The following DCAF5 variants were observed in gnomAD, a reference collection of about 807,000 sequenced individuals.
DCAF5 encodes the protein DDB1- and CUL4-associated factor 5.
Under a neutral mutation model 80.7 loss-of-function variants are expected in DCAF5, and 9 were observed. That is an observed-to-expected ratio of 0.11 (90% CI 0.07 to 0.19). The LOEUF (loss-of-function observed/expected upper bound fraction) is 0.19. Among genes scored for constraint, DCAF5 ranks in the 10% least tolerant of loss-of-function variants. The pLI, the probability that DCAF5 is intolerant of heterozygous loss-of-function variation, is 1.00. For synonymous variants in DCAF5, 433 were observed against 461.9 expected (o/e 0.94, Z 0.80); for missense variants, 842 against 1,205.7 (o/e 0.70, Z 4.47).
At chr14:69,085,883 A>G (rs1472866529) in intron 6 of DCAF5, among the ~76,000 whole-genome samples, 11 of 152,178 alleles carry the variant, frequency 7.2e-5, no homozygotes. Flanking sequence ...TCATTGCTTG[A>G]TCTCTATAAC....
chr14:69,106,740 T>C (rs2040174491), intron 5 of DCAF5, among the ~76,000 whole-genome samples: 1 of 152,170 alleles, frequency 6.6e-6, no homozygotes, highest in Non-Finnish European at 1.5e-5. Context: ...CAACATTTGA[T>C]TTTAAAATAA....
At chr14:69,101,823 A>G (rs1035013141) in intron 5 of DCAF5, among the ~76,000 whole-genome samples, 2 of 152,180 alleles carry the variant, frequency 1.3e-5, no homozygotes, top group Non-Finnish European at 2.9e-5. Flanking sequence ...CTGTAACACA[A>G]TGGGTAAGTA....
intron 5 of DCAF5, 119 bp downstream of exon 5, chr14:69,116,247 A>G: frequency 8.0e-7 from 1 of 1,249,574 alleles, no homozygotes; most frequent in Non-Finnish European, 1.1e-6. Context: ...TATATATCTT[A>G]AGAAATGCCC....
At chr14:69,085,685 T>C (rs1002620192) in intron 6 of DCAF5, among the ~76,000 whole-genome samples, 4 of 152,252 alleles carry the variant, frequency 2.6e-5, no homozygotes, top group African/African-American at 9.6e-5. Flanking sequence ...TACAAATGTA[T>C]GTTACTGTTT....
chr14:69,092,716 T>G (rs1594981887), intron 5 of DCAF5, among the ~76,000 whole-genome samples: 1 of 152,332 alleles, frequency 6.6e-6, no homozygotes, highest in East Asian at 1.9e-4. Flanking sequence ...CACAAAGAAT[T>G]TTTATATTCT....
chr14:69,060,716 G>A (rs866809983), intron 8 of DCAF5, among the ~76,000 whole-genome samples: 1 of 152,032 alleles, frequency 6.6e-6, no homozygotes, highest in African/African-American at 2.4e-5. Context: ...AGTTTTAGTA[G>A]AGACAGGGTT....
At chr14:69,120,766 T>A (rs971927320) in intron 2 of DCAF5, among the ~76,000 whole-genome samples, 1 of 152,192 alleles carries the variant, frequency 6.6e-6, no homozygotes, top group Non-Finnish European at 1.5e-5. Context: ...TCAGGTACAG[T>A]GCTAGGTCTT....
chr14:69,059,882 G>T (rs190034308), intron 8 of DCAF5, among the ~76,000 whole-genome samples: 5 of 152,228 alleles, frequency 3.3e-5, no homozygotes, highest in Admixed American at 2.0e-4. Flanking sequence ...GAGCTCCATA[G>T]TTCAGTCTGG....
At chr14:69,066,260 G>A (rs1338461390) in intron 7 of DCAF5, among the ~76,000 whole-genome samples, 2 of 151,450 alleles carry the variant, frequency 1.3e-5, no homozygotes, top group Admixed American at 6.6e-5. Context: ...TCAGCCTTCC[G>A]ACTAGCTGGG....
chr14:69,086,576 T>C (rs1178440411), intron 6 of DCAF5, among the ~76,000 whole-genome samples: 2 of 149,542 alleles, frequency 1.3e-5, no homozygotes, highest in Admixed American at 1.3e-4. Flanking sequence ...ACATATGGCA[T>C]GCCAGGCCCC....
In DCAF5 at chr14:69,096,999, G is replaced by A. The variant is rs561243724; in HGVS notation, c.666-5112C>T. ...CAACAGTAACAGTGCAGAAGGAGGGGGTGGGAGGATATGCAGGTAAACAGG... is the reference window on the plus strand; with the variant it reads ...CAACAGTAACAGTGCAGAAGGAGGGAGTGGGAGGATATGCAGGTAAACAGG... On this transcript the variant is annotated intron_variant, in intron 5 of 8. Transcript: ENST00000341516. Among the ~76,000 whole-genome samples the A allele has an allele frequency of 7.9e-5, 12 of 152,128 alleles. No individual in the cohort carries two copies. In the South Asian group the frequency reaches 2.5e-3, roughly 32 times the overall value.
At chr14:69,087,445 AC>A (rs1272232033) in intron 6 of DCAF5, among the ~76,000 whole-genome samples, 1 of 152,230 alleles carries the variant, frequency 6.6e-6, no homozygotes, top group Non-Finnish European at 1.5e-5. Flanking sequence ...ATATTGCAAG[AC>A]TAGAAGGTAG....
chr14:69,064,216 G>T (rs2038343951), intron 7 of DCAF5, among the ~76,000 whole-genome samples: 1 of 152,222 alleles, frequency 6.6e-6, no homozygotes, highest in South Asian at 2.1e-4. Flanking sequence ...TTGACAGAGA[G>T]ATCCTACCAT....
At chr14:69,061,124 C>A (rs1332407172) in intron 8 of DCAF5, among the ~76,000 whole-genome samples, 1 of 151,826 alleles carries the variant, frequency 6.6e-6, no homozygotes, top group Non-Finnish European at 1.5e-5. Context: ...TCAGCCTTAG[C>A]CTCCCAAGTA....
intron 1 of DCAF5, among the ~76,000 whole-genome samples, chr14:69,131,941 G>A (rs1043959866): frequency 6.6e-6 from 1 of 151,880 alleles, no homozygotes; most frequent in African/African-American, 2.4e-5. Context: ...TGTCTTCAAG[G>A]TTCATCCATG....
chr14:69,055,034 C>A lies in DCAF5; in HGVS notation c.1652G>T (p.Arg551Leu). 6.2e-7 allele frequency: 1 copy of A among 1,614,206 alleles called. No individual in the cohort carries two copies. The highest frequency in any genetic ancestry group is 1.1e-5 in the South Asian group (1 of 91,086). The change falls in exon 9 of 9, where the codon CGG becomes CTG. Residue 551 changes from arginine (R) to leucine (L), a missense_variant. Arg to Leu is a moderately radical substitution (Grantham distance 102, BLOSUM62 -2). Coordinates refer to ENST00000341516, the MANE Select transcript of DCAF5 (RefSeq NM_003861.3). This position sits in a 1 kb window ranked among gnomAD's most constrained non-coding sequence, Gnocchi z 5.6. ...GGATTCATCTTCGGGGCTGGGTGAC[C>A]GTGGCCGGGGAAAGAGATCTGTGTC... ...ELDTDLFPRPRSPSPEDESSS... is the reference protein window; with the variant it reads ...ELDTDLFPRPLSPSPEDESSS...
rs2037888559 is a variant in DCAF5 at position 69,054,768 on chromosome 14, G to C, written c.1918C>G (p.Leu640Val). 6.2e-7 allele frequency: 1 copy of C among 1,614,122 alleles called. No homozygotes were observed. The highest frequency in any genetic ancestry group is 8.5e-7 in the Non-Finnish European group (1 of 1,180,048). Residue 640 changes from leucine to valine, a missense_variant, in exon 9 of 9, where the codon CTA becomes GTA. By Grantham distance (32) the Leu-to-Val change is conservative. Transcript: ENST00000341516. ...TSSPERSTST[L>V]EIQPSRASPT... Reference sequence around the variant, plus strand: ...GATGCCCGGCTTGGTTGAATCTCTAGCGTGGAAGTGCTCCGCTCAGGGGAC... The same window carrying C: ...GATGCCCGGCTTGGTTGAATCTCTACCGTGGAAGTGCTCCGCTCAGGGGAC...
chr14:69,086,836 GATGATTTT>G (rs1447042473), intron 6 of DCAF5, among the ~76,000 whole-genome samples: 1 of 152,162 alleles, frequency 6.6e-6, no homozygotes, highest in Non-Finnish European at 1.5e-5. Context: ...GATGGGACAG[GATGATTTT>G]ATGATCACGA....
intron 7 of DCAF5, among the ~76,000 whole-genome samples, chr14:69,064,498 A>G (rs1367429041): frequency 6.6e-6 from 1 of 152,174 alleles, no homozygotes; most frequent in African/African-American, 2.4e-5. Context: ...CAAGATTTGA[A>G]CCAGAGTCTG....
Sources: allele counts gnomAD v4.1 joint callset (sites outside exome capture counted in the v4.1 genomes callset), GRCh38; gene constraint gnomAD v4.1.1; non-coding constraint Gnocchi (gnomAD v3.1); transcripts MANE v1.5; gene names NCBI Gene and HGNC (gene_info 2026-07-23, HGNC 2026-07-21).